Variants in C11orf16 observed in about 807,000 individuals in gnomAD.
C11orf16 encodes the protein uncharacterized protein C11orf16.
Under a neutral mutation model 45.1 loss-of-function variants are expected in C11orf16, and 38 were observed. The observed-to-expected ratio is 0.84, with a 90% CI of 0.65 to 1.10. The LOEUF (loss-of-function observed/expected upper bound fraction) is 1.10, where lower values mean the gene tolerates loss of function less well. Ranked by LOEUF, C11orf16 falls within the 50% of genes least tolerant of loss-of-function variation. The probability of loss-of-function intolerance (pLI) is 0.00; values close to 1 mark genes in which losing one functional copy is unlikely to be tolerated. For missense variants in C11orf16, 583 were observed against 569.5 expected (o/e 1.02, Z -0.24); for synonymous variants, 221 against 222.0 (o/e 1.00, Z 0.04).
chr11:8,923,064 T>C (rs1429965535), intron 5 of C11orf16, among the ~76,000 whole-genome samples: 1 of 152,216 alleles, frequency 6.6e-6, no homozygotes, highest in African/African-American at 2.4e-5. Flanking sequence ...GATACTATAG[T>C]TATCTTCTTT....
chr11:8,930,473 G>C (rs2064643096), intron 2 of C11orf16, among the ~76,000 whole-genome samples: 1 of 151,002 alleles, frequency 6.6e-6, no homozygotes, highest in Non-Finnish European at 1.5e-5. Flanking sequence ...TCAATCCTAA[G>C]GCGGCGTGTG....
intron 3 of C11orf16, 68 bp from the exon 4 acceptor site, chr11:8,927,242 C>T (rs1325720589): frequency 3.2e-6 from 4 of 1,258,268 alleles, no homozygotes; most frequent in Admixed American, 4.1e-5. Context: ...ACCCAGGTTC[C>T]CTACGATGCC....
chr11:8,927,168 T>C lies in C11orf16; in HGVS notation c.331A>G (p.Arg111Gly), dbSNP rs2064620514. 1.2e-6 allele frequency: 2 copies of C among 1,612,974 alleles called. No homozygotes were observed. The highest frequency in any genetic ancestry group is 1.7e-6 in the Non-Finnish European group (2 of 1,179,372). ...AQIKATPELE[R>G]QGVLLVEFEA... Reference sequence around the variant, plus strand: ...AATTCCACAAGCAGGACCCCCTGTCTCTCCAGCTGTGGGAAAGAAAACACT... The same window carrying C: ...AATTCCACAAGCAGGACCCCCTGTCCCTCCAGCTGTGGGAAAGAAAACACT... The change falls in exon 4 of 7, where the codon AGA becomes GGA. Residue 111 changes from arginine (R) to glycine (G), a missense_variant. Transcript: ENST00000326053.
chr11:8,927,877 T>C (rs2064625215), intron 3 of C11orf16, among the ~76,000 whole-genome samples: 1 of 152,246 alleles, frequency 6.6e-6, no homozygotes, highest in Non-Finnish European at 1.5e-5. Context: ...TAGAATTTCA[T>C]TTTAATTCAC....
At position 8,921,313 on chromosome 11, in the gene C11orf16, A is replaced by G. The variant is rs770640874; in HGVS notation, c.*3T>C. The G allele has an allele frequency of 1.2e-6, 2 of 1,613,986 alleles. No individual in the cohort carries two copies. Among genetic ancestry groups the G allele is most frequent in the Non-Finnish European group, 1.7e-6 (2 of 1,179,948 alleles). ...CTTTACCTAGATCCTCAGGGCTCTT[A>G]GTCTAACGGGAATTCTTGTTCCACT... On this transcript the variant is annotated 3_prime_UTR_variant, in exon 6 of 7. Coordinates refer to ENST00000326053, the MANE Select transcript of C11orf16 (RefSeq NM_020643.3).
At chr11:8,927,260 T>A in intron 3 of C11orf16, 86 bp from the exon 4 acceptor site, 2 of 1,042,238 alleles carry the variant, frequency 1.9e-6, no homozygotes, top group Non-Finnish European at 2.8e-6. Flanking sequence ...GCCCCCCAAA[T>A]CAGGCCCAGG....
chr11:8,923,306 G>T (rs916859618), intron 5 of C11orf16, among the ~76,000 whole-genome samples: 3 of 152,128 alleles, frequency 2.0e-5, no homozygotes, highest in Non-Finnish European at 4.4e-5. Context: ...GGTATCTAGG[G>T]TATGTCTGGC....
Position 8,920,458 on chromosome 11 carries a change from A to AG in C11orf16, c.*23-9dup. On this transcript the variant is annotated splice_polypyrimidine_tract_variant and intron_variant, in intron 6 of 6. Transcript: ENST00000326053. ...ACCATGTTTATTCTTTACCTATAAA[A>AG]GGGGGAAAAATTCCATACATTGTTA... 1 of 670,548 alleles carries AG rather than the reference A, an allele frequency of 1.5e-6. No individual in the cohort carries two copies. Among genetic ancestry groups the AG allele is most frequent in the Non-Finnish European group, 2.7e-6 (1 of 371,052 alleles). The allele number at this position is 670,548 out of a possible 1,614,324, so 41.5% of individuals were successfully genotyped here. A position where few individuals can be genotyped will look rare whatever the true frequency, so the allele number is the denominator to read the frequency against.
intron 3 of C11orf16, 174 bp downstream of exon 3, chr11:8,929,203 C>T: frequency 1.6e-6 from 1 of 625,144 alleles, no homozygotes; most frequent in Non-Finnish European, 2.6e-6. Flanking sequence ...GTTAGGGAGC[C>T]CTAGCAAACT....
chr11:8,928,715 G>T (rs2064631354), intron 3 of C11orf16, among the ~76,000 whole-genome samples: 1 of 152,038 alleles, frequency 6.6e-6, no homozygotes, highest in Non-Finnish European at 1.5e-5. Context: ...TGCCCAGGCT[G>T]GTCTTGAACT....
At chr11:8,922,049 C>A (rs559943102) in intron 5 of C11orf16, among the ~76,000 whole-genome samples, 4 of 152,260 alleles carry the variant, frequency 2.6e-5, no homozygotes, top group Admixed American at 6.5e-5. Context: ...TTACCTGATA[C>A]CCAAGATTTG....
In C11orf16 at chr11:8,926,961, C is replaced by T; in HGVS notation, c.538G>A (p.Glu180Lys). ...YGPGTVLLGL[E>K]MRDPQRASKE... ...TTACCTCTCTGGGGATCTCTCATCTCCAAGCCCAAAAGAACAGTGCCAGGG... is the reference window on the plus strand; with the variant it reads ...TTACCTCTCTGGGGATCTCTCATCTTCAAGCCCAAAAGAACAGTGCCAGGG... Residue 180 changes from glutamate (E) to lysine (K), a missense_variant, in exon 4 of 7, where the codon GAG becomes AAG. Physicochemically the swap from Glu to Lys is moderately conservative, Grantham distance 56 (BLOSUM62 1). Transcript: ENST00000326053. 6 of 1,613,784 alleles carry T rather than the reference C, an allele frequency of 3.7e-6. No individual in the cohort carries two copies. Among genetic ancestry groups the T allele is most frequent in the Non-Finnish European group, 5.1e-6 (6 of 1,179,996 alleles).
chr11:8,928,483 A>C (rs1202601586), intron 3 of C11orf16, among the ~76,000 whole-genome samples: 3 of 152,108 alleles, frequency 2.0e-5, no homozygotes, highest in Non-Finnish European at 4.4e-5. Context: ...AATTTTCCGC[A>C]ACAAAGTACT....
At position 8,925,673 on chromosome 11, in the gene C11orf16, G is replaced by C; in HGVS notation, c.994C>G (p.Leu332Val). Residue 332 changes from leucine (L) to valine (V), a missense_variant, in exon 5 of 7, where the codon CTG (leucine) becomes GTG (valine). Physicochemically the swap from Leu to Val is conservative, Grantham distance 32. Transcript: ENST00000326053. Reference protein sequence around the residue: ...KEEKVAMHAPLAVSSSSSSSC... With the variant: ...KEEKVAMHAPVAVSSSSSSSC... Reference sequence around the variant, plus strand: ...GAGGATGAGGAGGAAGAAACAGCCAGGGGAGCGTGCATTGCTACTTTCTCC... The same window carrying C: ...GAGGATGAGGAGGAAGAAACAGCCACGGGAGCGTGCATTGCTACTTTCTCC... 3 of 1,614,262 alleles carry C rather than the reference G, an allele frequency of 1.9e-6. No homozygotes were observed. Among genetic ancestry groups the C allele is most frequent in the Non-Finnish European group, 2.5e-6 (3 of 1,180,056 alleles).
In C11orf16 at chr11:8,932,312, C is replaced by T; in HGVS notation, c.-4G>A. On this transcript the variant is annotated 5_prime_UTR_variant, in exon 2 of 7. Transcript: ENST00000326053. The stretch of plus-strand genomic sequence containing the variant: ...TGGGCCCCGTGGAGGATTCCATGGC[C>T]TTCAGAGGATCCACCTGAGAATAGG... 2 of 1,592,316 alleles carry T rather than the reference C, an allele frequency of 1.3e-6. No individual in the cohort carries two copies. The highest frequency in any genetic ancestry group is 1.7e-6 in the Non-Finnish European group (2 of 1,170,220).
intron 3 of C11orf16, 147 bp from the exon 4 acceptor site, chr11:8,927,321 C>G (rs1370366560): frequency 2.5e-5 from 16 of 642,016 alleles, no homozygotes; most frequent in Non-Finnish European, 4.1e-5. Flanking sequence ...AGGGCAGATG[C>G]TGCTTCAAGC....
At position 8,920,347 on chromosome 11, in the gene C11orf16, T is replaced by C. The variant is rs2134827606; in HGVS notation, c.*126A>G. The C allele has an allele frequency of 3.4e-6, 2 of 588,586 alleles. No individual in the cohort carries two copies. 36.5% of individuals were successfully genotyped at this position (588,586 alleles called of 1,614,324 possible). A position where few individuals can be genotyped will look rare whatever the true frequency, so the allele number is the denominator to read the frequency against. ...GTGGGGTGGAGATACTGGTGGTTAT[T>C]TGACTGTTACCTGTGGCCTGTCCTC... On this transcript the variant is annotated 3_prime_UTR_variant, in exon 7 of 7. Transcript: ENST00000326053.
At position 8,921,436 on chromosome 11, in the gene C11orf16, G is replaced by A; in HGVS notation, c.1284C>T (p.Thr428=). The A allele has an allele frequency of 6.2e-7, 1 of 1,614,166 alleles. No individual in the cohort carries two copies. Among genetic ancestry groups the A allele is most frequent in the Non-Finnish European group, 8.5e-7 (1 of 1,180,002 alleles). The part of the protein sequence containing the change: ...QRAQTAVVGT[T]KELVSKATHM... ...GGGTTGCTTTCGAGACCAGCTCCTTGGTAGTCCCCACTACTGCAGTTTGTG... is the reference window on the plus strand; with the variant it reads ...GGGTTGCTTTCGAGACCAGCTCCTTAGTAGTCCCCACTACTGCAGTTTGTG... Residue 428 remains threonine, a synonymous_variant, in exon 6 of 7, where the codon ACC becomes ACT. Transcript: ENST00000326053.
chr11:8,925,169 A>C (rs1399409415), intron 5 of C11orf16, among the ~76,000 whole-genome samples: 1 of 152,258 alleles, frequency 6.6e-6, no homozygotes, highest in Non-Finnish European at 1.5e-5. Context: ...AGACAATGGC[A>C]GTGCTCTATC....
Sources: allele counts gnomAD v4.1 joint callset (sites outside exome capture counted in the v4.1 genomes callset), GRCh38; gene constraint gnomAD v4.1.1; transcripts MANE v1.5; gene names NCBI Gene and HGNC (gene_info 2026-07-23, HGNC 2026-07-21).